BEND2: variants seen among roughly 807,000 people sequenced by gnomAD.
BEND2 encodes the protein BEN domain-containing protein 2.
A neutral mutation model predicts 43.8 loss-of-function variants in BEND2; 19 were observed. The observed-to-expected ratio is 0.43, with a 90% CI of 0.30 to 0.64. The LOEUF (loss-of-function observed/expected upper bound fraction) is 0.64, where lower values mean the gene tolerates loss of function less well. Among genes scored for constraint, BEND2 ranks in the 30% least tolerant of loss-of-function variants. The pLI, the probability that BEND2 is intolerant of heterozygous loss-of-function variation, is 0.11. For missense variants in BEND2, 544 were observed against 574.0 expected, an observed-to-expected ratio of 0.95 and a Z score of 0.53; for synonymous variants, 226 against 210.1, an observed-to-expected ratio of 1.08 and a Z score of -0.66.
At chrX:18,200,421 T>C (rs1219123422) in intron 6 of BEND2, among the ~76,000 whole-genome samples, 3 of 105,557 alleles carry the variant, frequency 2.8e-5, no homozygotes, top group African/African-American at 1.1e-4. Context: ...GAGAATTGCT[T>C]GAACCCGGGA....
chrX:18,173,325 C>A (rs1383371321), intron 12 of BEND2, among the ~76,000 whole-genome samples: 2 of 111,887 alleles, frequency 1.8e-5, no homozygotes, highest in African/African-American at 6.5e-5. Flanking sequence ...CTGTAGTGTA[C>A]AATCTTAACA....
Position 18,170,896 on chromosome X carries a change from C to G in BEND2, c.2185+105G>C, listed in dbSNP as rs182705542. ...TGAGGCACTCAGTAATTACTAAGTT[C>G]CATTCTCCCCAGAACAAACACAACC... On this transcript the variant is annotated intron_variant, in intron 13 of 13. Transcript: ENST00000380033. 1,915 of 1,161,816 alleles carry G rather than the reference C, an allele frequency of 1.6e-3. 6 individuals are homozygous for G. The highest frequency in any genetic ancestry group is 1.4e-3 in the Non-Finnish European group (1,163 of 859,693).
At chrX:18,185,540 A>C (rs1172401093) in intron 8 of BEND2, among the ~76,000 whole-genome samples, 1 of 20,242 alleles carries the variant, frequency 4.9e-5, no homozygotes, top group African/African-American at 1.5e-4. Flanking sequence ...CAAAAATAAT[A>C]ATAATAATAA....
chrX:18,189,418 G>T (rs1435354619), intron 8 of BEND2, among the ~76,000 whole-genome samples: 1 of 110,738 alleles, frequency 9.0e-6, no homozygotes, highest in Non-Finnish European at 1.9e-5. Context: ...GCTGAGTTGG[G>T]AGGATCTTTT....
At chrX:18,177,104 G>C (rs1340318689) in intron 10 of BEND2, among the ~76,000 whole-genome samples, 1 of 110,141 alleles carries the variant, frequency 9.1e-6, no homozygotes, top group African/African-American at 3.3e-5. Flanking sequence ...TGAGTTCTAG[G>C]ATCTCAATAG....
At chrX:18,180,773 C>CTT in intron 8 of BEND2, 123 bp from the exon 9 acceptor site, 33 of 400,112 alleles carry the variant, frequency 8.2e-5, no homozygotes, top group African/African-American at 1.1e-4. Flanking sequence ...CAGACCTACT[C>CTT]TTTTTTTTTT....
intron 12 of BEND2, among the ~76,000 whole-genome samples, chrX:18,173,752 C>T (rs1924047120): frequency 8.9e-6 from 1 of 112,128 alleles, no homozygotes; most frequent in Non-Finnish European, 1.9e-5. Context: ...TCCCCTTCAC[C>T]ACAGAGGACA....
At chrX:18,170,117 T>G (rs1281599600) in intron 13 of BEND2, among the ~76,000 whole-genome samples, 1 of 111,844 alleles carries the variant, frequency 8.9e-6, no homozygotes, top group Non-Finnish European at 1.9e-5. Flanking sequence ...TTGCAAGTTG[T>G]AACCAATTAC....
chrX:18,215,922 T>C (rs182350785), intron 2 of BEND2, among the ~76,000 whole-genome samples: 1 of 112,357 alleles, frequency 8.9e-6, no homozygotes, highest in Non-Finnish European at 1.9e-5. Flanking sequence ...TGGTCTCACA[T>C]TTCCTAGAGA....
intron 8 of BEND2, among the ~76,000 whole-genome samples, chrX:18,186,992 G>GAC (rs1208827392): frequency 2.8e-5 from 3 of 106,709 alleles, no homozygotes; most frequent in African/African-American, 6.8e-5. Context: ...AGATACGATG[G>GAC]ACACACACAC....
intron 8 of BEND2, among the ~76,000 whole-genome samples, chrX:18,187,379 A>G (rs965520182): frequency 1.2e-4 from 14 of 112,148 alleles, no homozygotes; most frequent in Non-Finnish European, 2.4e-4. Context: ...AAGACAAAAA[A>G]CTGCAAGAAG....
intron 7 of BEND2, among the ~76,000 whole-genome samples, chrX:18,192,862 G>T (rs139025997): frequency 8.9e-6 from 1 of 111,993 alleles, no homozygotes; most frequent in African/African-American, 3.2e-5. Flanking sequence ...AAGATGGGCC[G>T]GGCGTGGTGG....
At chrX:18,182,484 AAAAG>A (rs1660346825) in intron 8 of BEND2, among the ~76,000 whole-genome samples, 1 of 111,744 alleles carries the variant, frequency 8.9e-6, no homozygotes, top group Non-Finnish European at 1.9e-5. Flanking sequence ...TAATCCAAAA[AAAAG>A]AAAGCAGAGT....
At chrX:18,207,800 C>T (rs768331826) in intron 4 of BEND2, among the ~76,000 whole-genome samples, 1 of 112,173 alleles carries the variant, frequency 8.9e-6, no homozygotes, top group Non-Finnish European at 1.9e-5. Context: ...GGGCAGATCA[C>T]CTGAGGTCAG....
At chrX:18,194,807 G>T (rs1426528950) in intron 7 of BEND2, among the ~76,000 whole-genome samples, 1 of 111,155 alleles carries the variant, frequency 9.0e-6, no homozygotes, top group Non-Finnish European at 1.9e-5. Context: ...GTGGAAGCCA[G>T]GTGTTAGGGA....
At position 18,177,418 on chromosome X, in the gene BEND2, G is replaced by A. The variant is rs897111053; in HGVS notation, c.1630+151C>T. ...ATTGTTACCAATTATATATTATTAA[G>A]TTGTAAAATCAGGGTCAGACAGGTG... is the stretch of plus-strand genomic sequence containing the variant. On this transcript the variant is annotated intron_variant, in intron 10 of 13. Coordinates refer to ENST00000380033, the MANE Select transcript of BEND2 (RefSeq NM_153346.5). 1.2e-5 allele frequency: 7 copies of A among 564,586 alleles called. No individual in the cohort carries two copies. The African/African-American group carries it at 1.6e-4, about 13-fold the overall frequency. 46.5% of individuals were successfully genotyped at this position (564,586 alleles called of 1,213,427 possible). A position where few individuals can be genotyped will look rare whatever the true frequency, so the allele number is the denominator to read the frequency against.
At position 18,216,685 on chromosome X, in the gene BEND2, C is replaced by T. The variant is rs763463624; in HGVS notation, c.74G>A (p.Ser25Asn). ...TTCAGAAACTTCCACCATCTCAATA[C>T]TGCAATCATTGTTATCATCACTGTC... ...VDDSDDNNDC[S>N]IEMVEVSETA... is the part of the protein sequence containing the mutation. The change falls in exon 2 of 14, where the codon AGT becomes AAT. Residue 25 changes from serine to asparagine, a missense_variant. Ser to Asn is a conservative substitution (Grantham distance 46). This residue lies in a region of BEND2 where 501 missense variants were observed against 501.6 expected (regional missense o/e 1.00). Coordinates refer to ENST00000380033, the MANE Select transcript of BEND2 (RefSeq NM_153346.5). 1.7e-6 allele frequency: 2 copies of T among 1,210,432 alleles called. No individual in the cohort carries two copies. The highest frequency in any genetic ancestry group is 3.5e-5 in the South Asian group (2 of 56,919).
rs1010593141 is a variant in BEND2 at position 18,186,751 on chromosome X, A to G, written c.1288+4250T>C. On this transcript the variant is annotated intron_variant, in intron 8 of 13. Coordinates refer to ENST00000380033, the MANE Select transcript of BEND2 (RefSeq NM_153346.5). ...CGAGGTGGGAGGATCACTTGAGCCT[A>G]GGAGTTCAAGAAAAGTTCAGCCTAG... Among the ~76,000 whole-genome samples the G allele has an allele frequency of 2.7e-5, 3 of 109,534 alleles. No homozygotes were observed. The East Asian group carries it at 8.6e-4, about 32-fold the overall frequency.
chrX:18,212,181 G>A (rs1602054506), intron 4 of BEND2, among the ~76,000 whole-genome samples: 1 of 99,174 alleles, frequency 1.0e-5, no homozygotes, highest in Admixed American at 1.2e-4. Flanking sequence ...TGCAACCTCC[G>A]CCTCCGGGGT....
Sources: allele counts gnomAD v4.1 joint callset (sites outside exome capture counted in the v4.1 genomes callset), GRCh38; gene constraint gnomAD v4.1.1; regional missense constraint gnomAD v4.1.1; transcripts MANE v1.5; gene names NCBI Gene and HGNC (gene_info 2026-07-23, HGNC 2026-07-21).